Variants in G3BP2 observed in about 807,000 individuals in gnomAD.
G3BP2 encodes ras GTPase-activating protein-binding protein 2.
Under a neutral mutation model 56.7 loss-of-function variants are expected in G3BP2, and 11 were observed. That is an observed-to-expected ratio of 0.19 (90% confidence interval 0.12 to 0.32). The LOEUF (loss-of-function observed/expected upper bound fraction) is 0.32, where lower values mean the gene tolerates loss of function less well. Ranked by LOEUF, G3BP2 falls within the 10% of genes least tolerant of loss-of-function variation. The probability of loss-of-function intolerance (pLI) is 1.00; values close to 1 mark genes in which losing one functional copy is unlikely to be tolerated. For synonymous variants in G3BP2, 165 were observed against 191.6 expected (o/e 0.86, Z 1.15); for missense variants, 340 against 610.9 (o/e 0.56, Z 4.67).
intron 8 of G3BP2, among the ~76,000 whole-genome samples, chr4:75,652,075 TA>T (rs1425496092): frequency 2.6e-5 from 4 of 152,224 alleles, no homozygotes; most frequent in Admixed American, 2.0e-4. Context: ...CTAAAGACAT[TA>T]GAACGTTCTT....
chr4:75,653,575 T>C (rs552003517), intron 8 of G3BP2, among the ~76,000 whole-genome samples: 197 of 140,078 alleles, frequency 1.4e-3, no homozygotes, highest in African/African-American at 5.5e-3. Flanking sequence ...TCCTGGTTTT[T>C]TTTTTTTTTG....
At chr4:75,712,255 GC>G (rs1719787796) in intron 3 of G3BP2, among the ~76,000 whole-genome samples, 1 of 151,640 alleles carries the variant, frequency 6.6e-6, no homozygotes, top group South Asian at 2.1e-4. Context: ...TTCCTTCTAA[GC>G]TTTTTCCTGT....
intron 1 of G3BP2, among the ~76,000 whole-genome samples, chr4:75,722,467 T>A (rs1205392645): frequency 6.6e-6 from 1 of 152,172 alleles, no homozygotes; most frequent in Non-Finnish European, 1.5e-5. Flanking sequence ...AGAGGAGTAA[T>A]AGACATTTGT....
At chr4:75,660,360 G>T (rs1732449524) in intron 2 of G3BP2, among the ~76,000 whole-genome samples, 1 of 152,136 alleles carries the variant, frequency 6.6e-6, no homozygotes, top group Non-Finnish European at 1.5e-5. Context: ...TTGAGGGGAA[G>T]ATACATGTTA....
intron 2 of G3BP2, chr4:75,661,643 GGA>G (rs1367491028): frequency 4.8e-6 from 1 of 210,480 alleles, no homozygotes; most frequent in African/African-American, 2.3e-5. Context: ...GAGTGACAGA[GGA>G]GACCATGACT....
intron 3 of G3BP2, among the ~76,000 whole-genome samples, chr4:75,689,206 G>A (rs565202581): frequency 4.9e-4 from 75 of 152,188 alleles, no homozygotes; most frequent in African/African-American, 1.7e-3. Context: ...GCAAAACCCC[G>A]TCTCTACTAA....
At chr4:75,672,809 CCA>C (rs1491121303) in intron 1 of G3BP2, 1 of 161,208 alleles carries the variant, frequency 6.2e-6, no homozygotes, top group African/African-American at 2.4e-5. Context: ...GGTGGGCTAC[CCA>C]CCCTAAAACA....
intron 3 of G3BP2, among the ~76,000 whole-genome samples, chr4:75,697,320 T>G: frequency 7.1e-6 from 1 of 141,190 alleles, no homozygotes; most frequent in African/African-American, 2.6e-5. Context: ...AATTGAGGTG[T>G]TTTGTTGAAA....
chr4:75,684,584 G>A (rs898706874), intron 3 of G3BP2, among the ~76,000 whole-genome samples: 3 of 152,140 alleles, frequency 2.0e-5, no homozygotes, highest in African/African-American at 4.8e-5. Context: ...GGAGTGCAGT[G>A]ACTATTCAAT....
Position 75,657,036 on chromosome 4 carries a change from C to A in G3BP2, c.352-22G>T, listed in dbSNP as rs368568714. 2.9e-4 allele frequency: 283 copies of A among 960,254 alleles called. 1 individual carries two copies. Among genetic ancestry groups the A allele is most frequent in the Middle Eastern group, 4.2e-4 (2 of 4,758 alleles). 59.5% of individuals were successfully genotyped at this position (960,254 alleles called of 1,614,324 possible). On this transcript the variant is annotated intron_variant, in intron 4 of 11. Transcript: ENST00000359707. ...ATCCCTATAGGAAACAACATTTATT[C>A]CATAAATATCCAGAAATCTGGTATT...
Position 75,654,012 on chromosome 4 carries a change from G to C in G3BP2, c.796C>G (p.Pro266Ala), listed in dbSNP as rs150020326. The change falls in exon 8 of 12, where the codon CCA becomes GCA. Residue 266 changes from proline to alanine, a missense_variant. Pro to Ala is a conservative substitution (Grantham distance 27). Coordinates refer to ENST00000359707, the MANE Select transcript of G3BP2 (RefSeq NM_203505.3). Reference protein sequence around the residue: ...PSGTVSSSGIPPHVKAPVSQP... With the variant: ...PSGTVSSSGIAPHVKAPVSQP... ...GAGACTGGTGCTTTAACATGGGGTG[G>C]AATTCCAGAGGAAGAAACAGTACCA... The C allele has an allele frequency of 6.3e-7, 1 of 1,581,622 alleles. No individual in the cohort carries two copies. Among genetic ancestry groups the C allele is most frequent in the Non-Finnish European group, 8.7e-7 (1 of 1,150,594 alleles).
At chr4:75,649,955 G>A (rs1170375115) in intron 8 of G3BP2, among the ~76,000 whole-genome samples, 1 of 151,908 alleles carries the variant, frequency 6.6e-6, no homozygotes, top group African/African-American at 2.4e-5. Context: ...AGGTTGCAGT[G>A]AGCCAAGATC....
chr4:75,699,459 T>C lies in G3BP2; in HGVS notation c.-25+21418A>G, dbSNP rs375025594. Among the ~76,000 whole-genome samples, 7 of 152,198 alleles carry C rather than the reference T, an allele frequency of 4.6e-5. 1 individual carries two copies. In the South Asian group the frequency reaches 1.2e-3, roughly 27 times the overall value. ...AGTTTCAGAGAGTTTGGGCAACTTA[T>C]TCAAAATCACACTCAGCCTGACCCT... On this transcript the variant is annotated intron_variant, in intron 3 of 3. Transcript: ENST00000499709.
At chr4:75,647,184 A>G (rs756230693) in intron 9 of G3BP2, 27 bp from the exon 10 acceptor site, 1 of 1,475,264 alleles carries the variant, frequency 6.8e-7, no homozygotes, top group East Asian at 2.3e-5. Context: ...AGCAGATACT[A>G]AAGTTTACAA....
At chr4:75,718,134 C>A (rs1247615078) in intron 3 of G3BP2, among the ~76,000 whole-genome samples, 6 of 144,900 alleles carry the variant, frequency 4.1e-5, no homozygotes, top group Admixed American at 6.9e-5. Context: ...GACTCCGTCG[C>A]AAAAAAAAAA....
intron 3 of G3BP2, among the ~76,000 whole-genome samples, chr4:75,683,824 C>T (rs1578426369): frequency 6.6e-6 from 1 of 152,078 alleles, no homozygotes; most frequent in East Asian, 1.9e-4. Context: ...CCCCTAACTC[C>T]ATAGCCATGC....
At chr4:75,659,023 A>G in intron 2 of G3BP2, 99 bp from the exon 3 acceptor site, 1 of 893,350 alleles carries the variant, frequency 1.1e-6, no homozygotes, top group Admixed American at 1.8e-5. Context: ...CCGCTCTGTC[A>G]CTAATTAGTT....
In G3BP2 at chr4:75,645,470, G is replaced by A. The variant is rs1271955433; in HGVS notation, c.1409C>T (p.Thr470Ile). ...TGTGAAGCGGCCCTCCATTTGCCCG[G>A]TTCCTCTTCCAGAGCCAAGTTTCTG... ...MAQKLGSGRG[T>I]GQMEGRFTGQ... Residue 470 changes from threonine (T) to isoleucine (I), a missense_variant, in exon 12 of 12, where the codon ACC becomes ATC. This residue lies in a region of G3BP2 where 94 missense variants were observed against 173.8 expected (regional missense o/e 0.54). Coordinates refer to ENST00000359707, the MANE Select transcript of G3BP2 (RefSeq NM_203505.3). The A allele has an allele frequency of 1.2e-6, 2 of 1,613,948 alleles. No homozygotes were observed. The highest frequency in any genetic ancestry group is 2.2e-5 in the East Asian group (1 of 44,876).
intron 3 of G3BP2, chr4:75,695,074 C>G (rs1719047457): frequency 3.8e-6 from 1 of 260,888 alleles, no homozygotes; most frequent in Non-Finnish European, 6.0e-6. Flanking sequence ...CACTGATGGG[C>G]TTGGGAAAAA....
Sources: allele counts gnomAD v4.1 joint callset (sites outside exome capture counted in the v4.1 genomes callset), GRCh38; gene constraint gnomAD v4.1.1; regional missense constraint gnomAD v4.1.1; transcripts MANE v1.5; gene names NCBI Gene and HGNC (gene_info 2026-07-23, HGNC 2026-07-21).